The following STON2 variants were observed in gnomAD, a reference collection of about 807,000 sequenced individuals.
STON2 encodes the protein stonin 2, also known as stonin-2.
A neutral mutation model predicts 65.7 loss-of-function variants in STON2; 29 were observed. That is an observed-to-expected ratio of 0.44 (90% CI 0.33 to 0.60). The LOEUF is 0.60. STON2 is among the 20% of genes least tolerant of loss of function. The pLI is 0.03. For synonymous variants in STON2, 404 were observed against 414.2 expected (o/e 0.98, Z 0.30); for missense variants, 1,054 against 1,118.1 (o/e 0.94, Z 0.82).
Position 81,264,018 on chromosome 14 carries a change from C to G in STON2, c.*4396G>C. ...CGGTTAGTGCTGGAAGAACAAAGAC[C>G]TACTGCATGAAGACTGGTTGTGCAC... On this transcript the variant is annotated 3_prime_UTR_variant, in exon 8 of 8. Transcript: ENST00000614646. 2.0e-6 allele frequency: 2 copies of G among 985,354 alleles called. No homozygotes were observed. The highest frequency in any genetic ancestry group is 2.4e-6 in the Non-Finnish European group (2 of 829,928). 61.0% of individuals were successfully genotyped at this position (985,354 alleles called of 1,614,324 possible).
intron 5 of STON2, among the ~76,000 whole-genome samples, chr14:81,322,793 A>G (rs1896868156): frequency 6.6e-6 from 1 of 152,232 alleles, no homozygotes; most frequent in Non-Finnish European, 1.5e-5. Context: ...ATCTTGGTAC[A>G]CTGTGTTTTA....
Position 81,268,210 on chromosome 14 carries a change from C to A in STON2, c.*204G>T. On this transcript the variant is annotated 3_prime_UTR_variant, in exon 8 of 8. Coordinates refer to ENST00000614646, the MANE Select transcript of STON2 (RefSeq NM_001394390.1). Reference sequence around the variant, plus strand: ...TTTAGGCATGACCAGAATCAAAGAGCCTCTCCAAAAGCCACCATTCTCAGG... The same window carrying A: ...TTTAGGCATGACCAGAATCAAAGAGACTCTCCAAAAGCCACCATTCTCAGG... 8.8e-7 allele frequency: 1 copy of A among 1,141,744 alleles called. No individual in the cohort carries two copies. The highest frequency in any genetic ancestry group is 1.1e-6 in the Non-Finnish European group (1 of 918,904). The allele number at this position is 1,141,744 out of a possible 1,614,324, so 70.7% of individuals were successfully genotyped here. A position where few individuals can be genotyped will look rare whatever the true frequency, so the allele number is the denominator to read the frequency against.
chr14:81,363,854 C>T (rs545296468), intron 4 of STON2, among the ~76,000 whole-genome samples: 2 of 152,174 alleles, frequency 1.3e-5, no homozygotes, highest in Non-Finnish European at 2.9e-5. Context: ...CAACGGTAAT[C>T]ACTGTTTACC....
rs1894184413 is a variant in STON2, at chr14:81,262,380, G to C, written c.*6034C>G. On this transcript the variant is annotated 3_prime_UTR_variant, in exon 8 of 8. Transcript: ENST00000614646. ...GCTAACACAGCACCTGACCAGAGTA[G>C]ACATTTGATAAATATTTGTTGAGTT... The C allele has an allele frequency of 2.0e-6, 2 of 985,180 alleles. No homozygotes were observed. The highest frequency in any genetic ancestry group is 1.2e-4 in the Admixed American group (2 of 16,272). 61.0% of individuals were successfully genotyped at this position (985,180 alleles called of 1,614,324 possible). A position where few individuals can be genotyped will look rare whatever the true frequency, so the allele number is the denominator to read the frequency against.
At chr14:81,422,235 T>A (rs1901740318) in intron 2 of STON2, among the ~76,000 whole-genome samples, 1 of 152,020 alleles carries the variant, frequency 6.6e-6, no homozygotes, top group South Asian at 2.1e-4. Flanking sequence ...CAGGAGTGAG[T>A]GAGTTCTCAC....
At chr14:81,406,348 C>A (rs998748073) in intron 2 of STON2, among the ~76,000 whole-genome samples, 2 of 152,198 alleles carry the variant, frequency 1.3e-5, no homozygotes, top group African/African-American at 4.8e-5. Context: ...GTAAATCTTA[C>A]TCTAGAGCAT....
chr14:81,300,155 T>A (rs1324860835), intron 5 of STON2, among the ~76,000 whole-genome samples: 1 of 152,024 alleles, frequency 6.6e-6, no homozygotes, highest in Non-Finnish European at 1.5e-5. Flanking sequence ...GCATGTAAAG[T>A]CACTTGAGTT....
chr14:81,338,012 A>T (rs1347462399), intron 4 of STON2, among the ~76,000 whole-genome samples: 1 of 152,212 alleles, frequency 6.6e-6, no homozygotes, highest in Non-Finnish European at 1.5e-5. Flanking sequence ...CAGGTTCCTA[A>T]GACAGAACTC....
chr14:81,387,261 T>C (rs1899858101), intron 3 of STON2, among the ~76,000 whole-genome samples: 1 of 152,166 alleles, frequency 6.6e-6, no homozygotes, highest in African/African-American at 2.4e-5. Context: ...GTTAAATTTG[T>C]TGACATTTTT....
intron 1 of STON2, among the ~76,000 whole-genome samples, chr14:81,435,910 CG>C (rs1902400157): frequency 6.6e-6 from 1 of 152,136 alleles, no homozygotes; most frequent in South Asian, 2.1e-4. Context: ...GGCGCCAACC[CG>C]GGGTTTCAGG....
rs1301644541 is a variant in STON2 at position 81,277,711 on chromosome 14, T to G, written c.1771A>C (p.Asn591His). The change falls in exon 6 of 8, where the codon AAT becomes CAT. Residue 591 changes from asparagine to histidine, a missense_variant. By Grantham distance (68) the Asn-to-His change is moderately conservative. Coordinates refer to ENST00000614646, the MANE Select transcript of STON2 (RefSeq NM_001394390.1). ...REQVIKLGTT[N>H]YDDFLSFIHA... ...ATGAAACTCAGGAAGTCATCGTAAT[T>G]GGTGGTGCCCAGCTTAATCACCTGT... is the stretch of plus-strand genomic sequence containing the variant. 7.4e-6 allele frequency: 12 copies of G among 1,614,034 alleles called. No individual in the cohort carries two copies. Among genetic ancestry groups the G allele is most frequent in the Middle Eastern group, 3.3e-4 (2 of 6,084 alleles).
intron 3 of STON2, among the ~76,000 whole-genome samples, chr14:81,382,725 A>T (rs1347633282): frequency 6.6e-6 from 1 of 152,230 alleles, no homozygotes; most frequent in African/African-American, 2.4e-5. Flanking sequence ...AATAAAACTT[A>T]TTAAAACCAC....
intron 5 of STON2, among the ~76,000 whole-genome samples, chr14:81,309,470 T>C (rs1370790914): frequency 2.0e-5 from 3 of 152,204 alleles, no homozygotes. Context: ...CTTTAAAATT[T>C]TACTTAGTTA....
intron 5 of STON2, among the ~76,000 whole-genome samples, chr14:81,281,277 C>G (rs1173916709): frequency 6.6e-6 from 1 of 152,112 alleles, no homozygotes; most frequent in African/African-American, 2.4e-5. Context: ...CCTACACTTA[C>G]AGTATTTATA....
At chr14:81,386,047 C>T (rs905656875) in intron 3 of STON2, among the ~76,000 whole-genome samples, 9 of 151,996 alleles carry the variant, frequency 5.9e-5, no homozygotes, top group East Asian at 1.9e-4. Context: ...CCTGGAACGG[C>T]GAGAGAGGCA....
chr14:81,272,295 T>C (rs1261246740), intron 6 of STON2, among the ~76,000 whole-genome samples: 1 of 152,198 alleles, frequency 6.6e-6, no homozygotes, highest in East Asian at 1.9e-4. Context: ...GTCTGAGTTA[T>C]AACCTCATGG....
chr14:81,277,964 G>A lies in STON2; in HGVS notation c.1518C>T (p.Ile506=). Residue 506 remains isoleucine, a synonymous_variant, in exon 6 of 8, where the codon ATC becomes ATT. Transcript: ENST00000614646. ...NIMSSRHWGP[I]FVKLTDTGYL... ...AACCAGTGTCTGTCAGTTTGACGAA[G>A]ATCGGTCCCCAGTGCCTGGAGGACA... 6.2e-7 allele frequency: 1 copy of A among 1,614,186 alleles called. No homozygotes were observed. Among genetic ancestry groups the A allele is most frequent in the South Asian group, 1.1e-5 (1 of 91,086 alleles).
intron 4 of STON2, among the ~76,000 whole-genome samples, chr14:81,359,053 T>C (rs949967927): frequency 6.6e-6 from 1 of 152,124 alleles, no homozygotes; most frequent in Non-Finnish European, 1.5e-5. Context: ...AGCAAACATA[T>C]ACAGAACATT....
intron 4 of STON2, among the ~76,000 whole-genome samples, chr14:81,343,453 C>A (rs1897693910): frequency 6.6e-6 from 1 of 152,066 alleles, no homozygotes; most frequent in Admixed American, 6.5e-5. Context: ...TCCCTCCCAC[C>A]TCTTCTCAAG....
Sources: allele counts gnomAD v4.1 joint callset (sites outside exome capture counted in the v4.1 genomes callset), GRCh38; gene constraint gnomAD v4.1.1; transcripts MANE v1.5; gene names NCBI Gene and HGNC (gene_info 2026-07-23, HGNC 2026-07-21).